Variants in MDGA2 observed in about 807,000 individuals in gnomAD.
MDGA2 encodes the protein MAM domain-containing glycosylphosphatidylinositol anchor protein 2.
Under a neutral mutation model 117.8 loss-of-function variants are expected in MDGA2, and 40 were observed. The ratio of observed to expected loss-of-function variants is 0.34; its 90% CI spans 0.26 to 0.44. The LOEUF (loss-of-function observed/expected upper bound fraction) is 0.44. Among genes scored for constraint, MDGA2 ranks in the 20% least tolerant of loss-of-function variants. MDGA2 has a pLI of 1.00. For synonymous variants in MDGA2, 452 were observed against 439.0 expected, an observed-to-expected ratio of 1.03 and a Z score of -0.37; for missense variants, 1,123 against 1,250.6, an observed-to-expected ratio of 0.90 and a Z score of 1.54.
intron 8 of MDGA2, among the ~76,000 whole-genome samples, chr14:47,020,659 A>C (rs1888255226): frequency 6.6e-6 from 1 of 152,204 alleles, no homozygotes; most frequent in South Asian, 2.1e-4. Flanking sequence ...TATTTTCCCA[A>C]GACTATTGAA....
intron 1 of MDGA2, among the ~76,000 whole-genome samples, chr14:47,425,246 A>G (rs1419312726): frequency 2.0e-5 from 3 of 152,194 alleles, no homozygotes; most frequent in Admixed American, 2.0e-4. Context: ...TACAAACTTC[A>G]GATTTGGAGA....
chr14:46,943,227 T>C (rs980991804), intron 9 of MDGA2, among the ~76,000 whole-genome samples: 1 of 152,046 alleles, frequency 6.6e-6, no homozygotes, highest in Non-Finnish European at 1.5e-5. Context: ...GTCTGCTGTT[T>C]GAATGCTATG....
At chr14:47,081,745 C>T (rs949444246) in intron 6 of MDGA2, among the ~76,000 whole-genome samples, 1 of 152,094 alleles carries the variant, frequency 6.6e-6, no homozygotes, top group East Asian at 1.9e-4. Context: ...TATGCAGTGA[C>T]TGCAATTCAG....
rs563860343 is a variant in MDGA2, at chr14:47,584,141, G to A, written c.280+90376C>T. On this transcript the variant is annotated intron_variant, in intron 1 of 16. Transcript: ENST00000399232. Reference sequence around the variant, plus strand: ...ATAAAACGCTTTAATTTTTAATTCAGTGATTCCATGAAATTTGTTAATATT... The same window carrying A: ...ATAAAACGCTTTAATTTTTAATTCAATGATTCCATGAAATTTGTTAATATT... Among the ~76,000 whole-genome samples the A allele has an allele frequency of 1.8e-4, 28 of 151,872 alleles. No individual in the cohort carries two copies. In the South Asian group the frequency reaches 5.0e-3, roughly 27 times the overall value.
chr14:47,411,458 G>A (rs1031384907), intron 1 of MDGA2, among the ~76,000 whole-genome samples: 4 of 152,136 alleles, frequency 2.6e-5, no homozygotes, highest in South Asian at 4.1e-4. Flanking sequence ...TAGGGAGACT[G>A]TAGCCAAACT....
chr14:47,506,683 T>TA, intron 1 of MDGA2, among the ~76,000 whole-genome samples: 1 of 152,228 alleles, frequency 6.6e-6, no homozygotes, highest in East Asian at 1.9e-4. Context: ...GTGTTGCAAA[T>TA]ATAAAATACA....
intron 14 of MDGA2, among the ~76,000 whole-genome samples, chr14:46,867,058 C>G (rs1168681597): frequency 6.6e-6 from 1 of 152,050 alleles, no homozygotes; most frequent in Non-Finnish European, 1.5e-5. Context: ...ACTCAAAGGA[C>G]TATAAATCAT....
At chr14:46,986,716 T>C (rs1234796581) in intron 8 of MDGA2, among the ~76,000 whole-genome samples, 2 of 151,132 alleles carry the variant, frequency 1.3e-5, no homozygotes, top group African/African-American at 2.5e-5. Context: ...CACTGGCAAA[T>C]TGTTTGTCCC....
Position 47,313,450 on chromosome 14 carries a change from C to G in MDGA2, c.281-11900G>C, listed in dbSNP as rs1001099567. Among the ~76,000 whole-genome samples, 8 of 147,554 alleles carry G rather than the reference C, an allele frequency of 5.4e-5. No homozygotes were observed. The Admixed American group carries it at 5.5e-4, about 10-fold the overall frequency. On this transcript the variant is annotated intron_variant, in intron 1 of 16. Coordinates refer to ENST00000399232, the MANE Select transcript of MDGA2 (RefSeq NM_001113498.3). ...ACTATGACTGGCTAATTTCTTCTTC[C>G]TCTTTTGTTTTGTTTTGTTTTGTTT...
At chr14:47,598,064 C>T (rs1896580758) in intron 1 of MDGA2, among the ~76,000 whole-genome samples, 1 of 152,106 alleles carries the variant, frequency 6.6e-6, no homozygotes, top group South Asian at 2.1e-4. Flanking sequence ...TGCAAAAAGG[C>T]ATTCAACATC....
chr14:46,926,936 G>C (rs1884356088), intron 9 of MDGA2, among the ~76,000 whole-genome samples: 1 of 152,112 alleles, frequency 6.6e-6, no homozygotes, highest in African/African-American at 2.4e-5. Flanking sequence ...GCATACTGCT[G>C]ATCAACATGT....
intron 2 of MDGA2, among the ~76,000 whole-genome samples, chr14:47,300,767 G>C (rs1594782425): frequency 6.6e-6 from 1 of 151,720 alleles, no homozygotes. Flanking sequence ...ACAAAGTGCT[G>C]AGGTTGTAAG....
At chr14:46,958,370 GA>G (rs781610843) in intron 8 of MDGA2, among the ~76,000 whole-genome samples, 92 of 152,084 alleles carry the variant, frequency 6.0e-4, no homozygotes, top group Non-Finnish European at 1.1e-3. Flanking sequence ...CGCTTGGGGG[GA>G]AATAAAGATG....
At chr14:47,021,732 C>T (rs1888293349) in intron 8 of MDGA2, among the ~76,000 whole-genome samples, 1 of 151,964 alleles carries the variant, frequency 6.6e-6, no homozygotes, top group South Asian at 2.1e-4. Context: ...CTTCCATACT[C>T]GAAGATTACT....
At chr14:46,969,900 T>C (rs1410054297) in intron 8 of MDGA2, among the ~76,000 whole-genome samples, 3 of 144,492 alleles carry the variant, frequency 2.1e-5, no homozygotes, top group Admixed American at 7.1e-5. Context: ...AACCTGCACG[T>C]TGTGCACATG....
intron 1 of MDGA2, among the ~76,000 whole-genome samples, chr14:47,455,431 A>G (rs1893329372): frequency 6.6e-6 from 1 of 152,104 alleles, no homozygotes; most frequent in African/African-American, 2.4e-5. Context: ...GCTTGAACCC[A>G]GGAGGCAGAG....
intron 9 of MDGA2, among the ~76,000 whole-genome samples, chr14:46,946,703 A>C (rs182018805): frequency 6.6e-6 from 1 of 152,228 alleles, no homozygotes; most frequent in African/African-American, 2.4e-5. Flanking sequence ...GACTTGTAGA[A>C]AAAGAAAGAG....
chr14:47,209,771 T>A (rs1169891993), intron 3 of MDGA2, among the ~76,000 whole-genome samples: 1 of 152,184 alleles, frequency 6.6e-6, no homozygotes, highest in Admixed American at 6.5e-5. Context: ...CAAAATCCTG[T>A]CTCAAATTTT....
At chr14:47,136,770 A>G (rs1224792398) in intron 4 of MDGA2, among the ~76,000 whole-genome samples, 2 of 152,196 alleles carry the variant, frequency 1.3e-5, no homozygotes, top group Admixed American at 6.5e-5. Context: ...ATTGCTGACT[A>G]GATAGGAATA....
Sources: gnomAD v4.1 joint callset for allele counts (sites outside exome capture counted in the v4.1 genomes callset) on GRCh38, gnomAD v4.1.1 for gene constraint, MANE v1.5 for transcripts, NCBI Gene and HGNC (gene_info 2026-07-23, HGNC 2026-07-21) for gene names.